The following CDH18 variants were observed in gnomAD, a reference collection of about 807,000 sequenced individuals.
CDH18 encodes cadherin-18.
In CDH18, 31 loss-of-function variants were observed where a neutral mutation model predicts 67.9. That is an observed-to-expected ratio of 0.46 (90% CI 0.34 to 0.62). The LOEUF is 0.62. Among genes scored for constraint, CDH18 ranks in the 20% least tolerant of loss-of-function variants. The probability of loss-of-function intolerance (pLI) is 0.01; values close to 1 mark genes in which losing one functional copy is unlikely to be tolerated. For missense variants in CDH18, 890 were observed against 975.5 expected (o/e 0.91, Z 1.17); for synonymous variants, 362 against 347.2 (o/e 1.04, Z -0.48).
At chr5:19,817,811 T>C (rs781290242) in intron 3 of CDH18, among the ~76,000 whole-genome samples, 1 of 152,134 alleles carries the variant, frequency 6.6e-6, no homozygotes, top group Non-Finnish European at 1.5e-5. Context: ...TTCCTGTGAA[T>C]GGTCAATACT....
intron 1 of CDH18, among the ~76,000 whole-genome samples, chr5:20,491,789 T>C (rs1317927082): frequency 2.0e-5 from 3 of 152,130 alleles, no homozygotes; most frequent in African/African-American, 7.2e-5. Context: ...GCAAAAACAT[T>C]CAGAATTATG....
chr5:19,700,171 G>A (rs1454196491), intron 5 of CDH18, among the ~76,000 whole-genome samples: 1 of 151,996 alleles, frequency 6.6e-6, no homozygotes, highest in Non-Finnish European at 1.5e-5. Context: ...ATACAATTCT[G>A]TACAACTTAT....
chr5:19,869,607 T>C (rs1158206590), intron 2 of CDH18, among the ~76,000 whole-genome samples: 1 of 152,136 alleles, frequency 6.6e-6, no homozygotes, highest in African/African-American at 2.4e-5. Context: ...ACTTCCAATG[T>C]CACTTTATGA....
chr5:20,286,691 G>A (rs1490016290), intron 1 of CDH18, among the ~76,000 whole-genome samples: 1 of 151,668 alleles, frequency 6.6e-6, no homozygotes, highest in South Asian at 2.1e-4. Context: ...ATCAGTCACT[G>A]CCCTGGGATT....
At chr5:19,574,227 C>T (rs1324914466) in intron 7 of CDH18, among the ~76,000 whole-genome samples, 6 of 152,134 alleles carry the variant, frequency 3.9e-5, no homozygotes, top group Non-Finnish European at 8.8e-5. Context: ...CAATACTAAC[C>T]TACCTACTGC....
chr5:20,296,727 A>C (rs1157456967), intron 1 of CDH18, among the ~76,000 whole-genome samples: 1 of 151,794 alleles, frequency 6.6e-6, no homozygotes, highest in African/African-American at 2.4e-5. Flanking sequence ...TAAAATATTA[A>C]ATGTAATTAA....
chr5:20,397,864 A>G (rs571458967), intron 1 of CDH18, among the ~76,000 whole-genome samples: 39 of 152,314 alleles, frequency 2.6e-4, no homozygotes, highest in Admixed American at 7.2e-4. Flanking sequence ...GCACATTTCA[A>G]TTTGAACACA....
At chr5:20,293,014 T>A (rs1302362675) in intron 1 of CDH18, among the ~76,000 whole-genome samples, 1 of 152,156 alleles carries the variant, frequency 6.6e-6, no homozygotes, top group Non-Finnish European at 1.5e-5. Flanking sequence ...TTAACTCTTG[T>A]GTTAAAACTG....
intron 2 of CDH18, among the ~76,000 whole-genome samples, chr5:20,176,358 G>A (rs1489474415): frequency 6.6e-6 from 1 of 152,124 alleles, no homozygotes; most frequent in Non-Finnish European, 1.5e-5. Flanking sequence ...TAATGACAAA[G>A]AATTCCTTTA....
intron 8 of CDH18, among the ~76,000 whole-genome samples, chr5:19,551,673 G>A (rs989347954): frequency 2.0e-5 from 3 of 151,976 alleles, no homozygotes; most frequent in Non-Finnish European, 2.9e-5. Flanking sequence ...TTCTTTCTTG[G>A]GAAGCTTCAG....
At chr5:20,467,963 A>G (rs1281611200) in intron 1 of CDH18, among the ~76,000 whole-genome samples, 1 of 150,744 alleles carries the variant, frequency 6.6e-6, no homozygotes, top group Admixed American at 6.6e-5. Flanking sequence ...TGTTATTATT[A>G]TTCTATTTAC....
chr5:19,590,457 T>C (rs1418197426), intron 7 of CDH18, among the ~76,000 whole-genome samples: 2 of 146,116 alleles, frequency 1.4e-5, no homozygotes, highest in East Asian at 4.1e-4. Flanking sequence ...AATAGAAAAG[T>C]ATATGTATAC....
intron 2 of CDH18, among the ~76,000 whole-genome samples, chr5:20,123,886 C>CAAAA (rs11292634): frequency 1.0e-4 from 9 of 87,228 alleles, no homozygotes; most frequent in African/African-American, 2.1e-4. Flanking sequence ...GACTCCGTCT[C>CAAAA]AAAAAAAAAA....
intron 1 of CDH18, among the ~76,000 whole-genome samples, chr5:20,533,988 T>C (rs1366498): frequency 0.4 from 60,527 of 151,786 alleles, 13,547 homozygotes; most frequent in East Asian, 0.57. Context: ...TAGTTAAAAT[T>C]TTTAAATGTT....
rs569680953 is a variant in CDH18, at chr5:20,233,123, T to C, written c.-518+22321A>G. ...TTTCTTGTTCTTCATATTACTATTATATTTCAACTCTAATTCCCCTAGCCC... is the reference window on the plus strand; with the variant it reads ...TTTCTTGTTCTTCATATTACTATTACATTTCAACTCTAATTCCCCTAGCCC... On this transcript the variant is annotated intron_variant, in intron 2 of 14. Coordinates refer to the CDH18 transcript ENST00000507958. Among the ~76,000 whole-genome samples the C allele has an allele frequency of 8.6e-5, 13 of 151,646 alleles. No homozygotes were observed. The South Asian group carries it at 2.7e-3, about 31-fold the overall frequency.
At chr5:20,440,826 C>A (rs1000345139) in intron 1 of CDH18, among the ~76,000 whole-genome samples, 2 of 151,848 alleles carry the variant, frequency 1.3e-5, no homozygotes, top group Non-Finnish European at 2.9e-5. Context: ...GTCTTGCAGA[C>A]AAAACAATGT....
Position 20,276,225 on chromosome 5 carries a change from T to C in CDH18, c.-579-20720A>G, listed in dbSNP as rs139441431. On this transcript the variant is annotated intron_variant, in intron 1 of 14. Coordinates refer to the CDH18 transcript ENST00000507958. The stretch of plus-strand genomic sequence containing the variant: ...GCTGGGGTGACCAAGTGAGTACTTG[T>C]GCCACTCCTCTGCTAATCCCAGGGA... Among the ~76,000 whole-genome samples, 1,269 of 152,268 alleles carry C rather than the reference T, an allele frequency of 8.3e-3. 12 individuals carry two copies. Among genetic ancestry groups the C allele is most frequent in the Middle Eastern group, 0.051 (15 of 294 alleles).
In CDH18 at chr5:20,423,581, C is replaced by T. The variant is rs373952631; in HGVS notation, c.-580+151881G>A. Among the ~76,000 whole-genome samples the T allele has an allele frequency of 8.0e-5, 12 of 150,918 alleles. No homozygotes were observed. The South Asian group carries it at 1.5e-3, about 18-fold the overall frequency. On this transcript the variant is annotated intron_variant, in intron 1 of 14. Coordinates refer to the CDH18 transcript ENST00000507958. ...ATGCAAAGGAAATATAAGTGCTACA[C>T]GCAAAGAGATGTGAAAAGATATAAC...
intron 1 of CDH18, among the ~76,000 whole-genome samples, chr5:20,507,544 A>G (rs1462365748): frequency 6.6e-6 from 1 of 152,190 alleles, no homozygotes; most frequent in South Asian, 2.1e-4. Context: ...TCTGTAATGA[A>G]GAAATAACTG....
Sources: gnomAD v4.1 joint callset for allele counts (sites outside exome capture counted in the v4.1 genomes callset) on GRCh38, gnomAD v4.1.1 for gene constraint, MANE v1.5 for transcripts, NCBI Gene and HGNC (gene_info 2026-07-23, HGNC 2026-07-21) for gene names.